Variants in HS3ST5 observed in about 807,000 individuals in gnomAD.
The protein encoded by HS3ST5 is heparan sulfate-glucosamine 3-sulfotransferase 5, also known as heparan sulfate glucosamine 3-O-sulfotransferase 5.
A neutral mutation model predicts 25.4 loss-of-function variants in HS3ST5; 10 were observed. The observed-to-expected ratio is 0.39, with a 90% CI of 0.24 to 0.67. The LOEUF is 0.67. Among genes scored for constraint, HS3ST5 ranks in the 30% least tolerant of loss-of-function variants. HS3ST5 has a pLI of 0.44. For missense variants in HS3ST5, 324 were observed against 420.7 expected (o/e 0.77, Z 2.01); for synonymous variants, 170 against 162.4 (o/e 1.05, Z -0.36).
chr6:114,183,727 T>G (rs999968936), intron 2 of HS3ST5, among the ~76,000 whole-genome samples: 4 of 152,168 alleles, frequency 2.6e-5, no homozygotes, highest in Non-Finnish European at 4.4e-5. Flanking sequence ...AAAGGGATTT[T>G]TAAAGGAGAT....
At chr6:114,069,961 TG>T (rs1265894453) in intron 3 of HS3ST5, among the ~76,000 whole-genome samples, 2 of 152,194 alleles carry the variant, frequency 1.3e-5, no homozygotes, top group East Asian at 3.8e-4. Context: ...TCAATAGTTT[TG>T]GGGGTACAGG....
Position 114,100,701 on chromosome 6 carries a change from T to C in HS3ST5, c.-32-37824A>G, listed in dbSNP as rs770326522. ...TCATCACCACTTACAGCCAATTGAC[T>C]TTTTACTTAGTGAAAGCATTTGAAG... On this transcript the variant is annotated intron_variant, in intron 3 of 4. Coordinates refer to ENST00000312719, the MANE Select transcript of HS3ST5 (RefSeq NM_153612.4). Among the ~76,000 whole-genome samples, 54 of 152,176 alleles carry C rather than the reference T, an allele frequency of 3.5e-4. 2 individuals carry two copies. Among genetic ancestry groups the C allele is most frequent in the Non-Finnish European group, 7.4e-5 (5 of 68,018 alleles).
intron 2 of HS3ST5, among the ~76,000 whole-genome samples, chr6:114,189,817 C>T (rs1291759947): frequency 6.6e-6 from 1 of 152,104 alleles, no homozygotes; most frequent in Non-Finnish European, 1.5e-5. Flanking sequence ...CCACTGTTAT[C>T]TCCTCATTTT....
intron 1 of HS3ST5, among the ~76,000 whole-genome samples, chr6:114,302,730 C>T (rs1158823004): frequency 2.0e-5 from 3 of 152,240 alleles, no homozygotes; most frequent in Admixed American, 1.3e-4. Flanking sequence ...AGCATCCTTA[C>T]GGGACATCTT....
intron 1 of HS3ST5, among the ~76,000 whole-genome samples, chr6:114,276,226 G>A (rs1773847709): frequency 6.6e-6 from 1 of 151,436 alleles, no homozygotes; most frequent in Non-Finnish European, 1.5e-5. Flanking sequence ...TGACTCTCAA[G>A]GTGAGAGAGC....
intron 2 of HS3ST5, among the ~76,000 whole-genome samples, chr6:114,205,610 G>C (rs1477219123): frequency 6.6e-6 from 1 of 152,150 alleles, no homozygotes; most frequent in Non-Finnish European, 1.5e-5. Flanking sequence ...CCGCTCCCTG[G>C]ACATCAACTG....
chr6:114,197,289 C>T (rs1327239275), intron 2 of HS3ST5, among the ~76,000 whole-genome samples: 3 of 151,882 alleles, frequency 2.0e-5, no homozygotes, highest in African/African-American at 4.8e-5. Context: ...TGTTGTCAGT[C>T]CCATACAAAT....
intron 1 of HS3ST5, among the ~76,000 whole-genome samples, chr6:114,311,971 C>T (rs1263225961): frequency 6.6e-6 from 1 of 152,170 alleles, no homozygotes; most frequent in Non-Finnish European, 1.5e-5. Flanking sequence ...AGTATTTTAA[C>T]TACCAACTAA....
intron 3 of HS3ST5, among the ~76,000 whole-genome samples, chr6:114,127,885 GAGA>G (rs1360351679): frequency 6.7e-6 from 1 of 149,662 alleles, no homozygotes; most frequent in Non-Finnish European, 1.5e-5. Flanking sequence ...CTTATATATA[GAGA>G]GAGAGAGACA....
At chr6:114,078,263 T>C (rs776638174) in intron 3 of HS3ST5, among the ~76,000 whole-genome samples, 1 of 152,026 alleles carries the variant, frequency 6.6e-6, no homozygotes, top group Non-Finnish European at 1.5e-5. Context: ...CTGGAGTACA[T>C]TGGTGCGATA....
intron 1 of HS3ST5, among the ~76,000 whole-genome samples, chr6:114,262,269 T>C (rs956217850): frequency 6.6e-6 from 1 of 152,170 alleles, no homozygotes; most frequent in African/African-American, 2.4e-5. Context: ...TCATAGCGGC[T>C]GGGCGCGGTG....
At chr6:114,336,324 T>A (rs1334725032) in intron 1 of HS3ST5, among the ~76,000 whole-genome samples, 1 of 152,238 alleles carries the variant, frequency 6.6e-6, no homozygotes. Flanking sequence ...TTACTAAGAA[T>A]TTGGCCTGGT....
intron 1 of HS3ST5, among the ~76,000 whole-genome samples, chr6:114,263,306 C>T (rs1773259183): frequency 6.6e-6 from 1 of 151,852 alleles, no homozygotes; most frequent in Non-Finnish European, 1.5e-5. Flanking sequence ...AAATTATAGC[C>T]TCCATCTTAA....
At chr6:114,300,002 GA>G (rs1775003391) in intron 1 of HS3ST5, among the ~76,000 whole-genome samples, 1 of 152,104 alleles carries the variant, frequency 6.6e-6, no homozygotes, top group African/African-American at 2.4e-5. Flanking sequence ...AAGTGCTGGT[GA>G]AGACAGCCTG....
chr6:114,253,802 C>T (rs1432332191), intron 1 of HS3ST5, among the ~76,000 whole-genome samples: 1 of 152,076 alleles, frequency 6.6e-6, no homozygotes, highest in African/African-American at 2.4e-5. Flanking sequence ...TTTTTTCTCC[C>T]TGTGTTTCGT....
chr6:114,199,307 G>A (rs1780906136), intron 2 of HS3ST5, among the ~76,000 whole-genome samples: 1 of 152,104 alleles, frequency 6.6e-6, no homozygotes, highest in Admixed American at 6.6e-5. Context: ...TAATGTACTG[G>A]AACAAAATAA....
At chr6:114,118,325 C>G (rs1489607650) in intron 3 of HS3ST5, among the ~76,000 whole-genome samples, 2 of 152,104 alleles carry the variant, frequency 1.3e-5, no homozygotes, top group African/African-American at 4.8e-5. Flanking sequence ...AGCCACTGAT[C>G]TATATATAGT....
chr6:114,222,161 G>A (rs1207090340), intron 2 of HS3ST5, among the ~76,000 whole-genome samples: 1 of 151,804 alleles, frequency 6.6e-6, no homozygotes, highest in Non-Finnish European at 1.5e-5. Context: ...CCGATCTCAC[G>A]TCTCATATCT....
At chr6:114,243,915 G>A (rs1166258480) in intron 1 of HS3ST5, among the ~76,000 whole-genome samples, 1 of 152,122 alleles carries the variant, frequency 6.6e-6, no homozygotes, top group Non-Finnish European at 1.5e-5. Context: ...CTGATTCTTT[G>A]GGCTTTTGTG....
Sources: allele counts gnomAD v4.1 joint callset (sites outside exome capture counted in the v4.1 genomes callset), GRCh38; gene constraint gnomAD v4.1.1; transcripts MANE v1.5; gene names NCBI Gene and HGNC (gene_info 2026-07-23, HGNC 2026-07-21).